The following AKAP19 variants were observed in gnomAD, a reference collection of about 807,000 sequenced individuals.
The protein encoded by AKAP19 is small A-kinase anchoring protein.
the AKAP19 span, among the ~76,000 whole-genome samples, chr2:190,099,909 CAAGA>C: frequency 2.6e-5 from 4 of 152,092 alleles, no homozygotes; most frequent in Non-Finnish European, 4.4e-5. Flanking sequence ...AGTTTGAAAT[CAAGA>C]AAGAAAGTCC....
At chr2:190,171,781 A>G in the AKAP19 span, among the ~76,000 whole-genome samples, 2 of 152,150 alleles carry the variant, frequency 1.3e-5, no homozygotes, top group South Asian at 2.1e-4. Context: ...TTATGGGGGG[A>G]AAATAACTTG....
At chr2:190,129,862 C>T in the AKAP19 span, among the ~76,000 whole-genome samples, 1,521 of 152,262 alleles carry the variant, frequency 1.0e-2, 17 homozygotes, top group Non-Finnish European at 0.015. Context: ...GACAGGCCTT[C>T]TCTGTCCTTC....
the AKAP19 span, among the ~76,000 whole-genome samples, chr2:189,890,539 A>G: frequency 0.027 from 4,091 of 152,140 alleles, 70 homozygotes; most frequent in South Asian, 0.071. Flanking sequence ...TCCCACTATT[A>G]TTGTGTGGGA....
chr2:190,187,384 T>C, the AKAP19 span, among the ~76,000 whole-genome samples: 1 of 151,576 alleles, frequency 6.6e-6, no homozygotes, highest in African/African-American at 2.4e-5. Flanking sequence ...AGCCTATTCG[T>C]TTACACAGCA....
the AKAP19 span, among the ~76,000 whole-genome samples, chr2:190,192,156 T>TG: frequency 6.6e-6 from 1 of 152,074 alleles, no homozygotes; most frequent in Non-Finnish European, 1.5e-5. Context: ...TAGATTTTGG[T>TG]GGGGGGAGAG....
At chr2:189,912,097 A>G in the AKAP19 span, among the ~76,000 whole-genome samples, 2 of 14,452 alleles carry the variant, frequency 1.4e-4, no homozygotes, top group Non-Finnish European at 3.7e-4. Context: ...AAGTTGGTAT[A>G]CCACACAGCA....
chr2:190,018,361 A>G, the AKAP19 span, among the ~76,000 whole-genome samples: 1 of 151,906 alleles, frequency 6.6e-6, no homozygotes, highest in Admixed American at 6.6e-5. Flanking sequence ...GGTCTTCTGC[A>G]TAGATGATTT....
At chr2:190,158,741 G>T in the AKAP19 span, among the ~76,000 whole-genome samples, 12 of 152,332 alleles carry the variant, frequency 7.9e-5, no homozygotes, top group East Asian at 2.1e-3. Context: ...TCCCTGAATG[G>T]CAGAGCATGC....
chr2:190,140,129 CTCACATCCAGG>C, the AKAP19 span, among the ~76,000 whole-genome samples: 1 of 152,192 alleles, frequency 6.6e-6, no homozygotes, highest in Non-Finnish European at 1.5e-5. Flanking sequence ...GACTCCAGGT[CTCACATCCAGG>C]TCACACTGAT....
At chr2:190,074,727 T>A in the AKAP19 span, among the ~76,000 whole-genome samples, 2 of 151,956 alleles carry the variant, frequency 1.3e-5, no homozygotes, top group African/African-American at 4.8e-5. Context: ...GATAAAAGTG[T>A]CATTTTAACT....
the AKAP19 span, among the ~76,000 whole-genome samples, chr2:190,016,349 A>G: frequency 3.9e-5 from 6 of 152,190 alleles, no homozygotes; most frequent in East Asian, 1.2e-3. Flanking sequence ...GCAGCAGGTG[A>G]CAGAGAGCCA....
At chr2:189,926,445 C>A in the AKAP19 span, among the ~76,000 whole-genome samples, 2 of 151,880 alleles carry the variant, frequency 1.3e-5, no homozygotes, top group East Asian at 3.9e-4. Context: ...CACTACCATG[C>A]CCCGCTAATT....
chr2:189,978,145 G>C, the AKAP19 span, among the ~76,000 whole-genome samples: 1 of 152,200 alleles, frequency 6.6e-6, no homozygotes, highest in African/African-American at 2.4e-5. Context: ...TTACACGGGT[G>C]TATGGTGTAA....
the AKAP19 span, among the ~76,000 whole-genome samples, chr2:189,910,296 T>C: frequency 6.6e-6 from 1 of 152,100 alleles, no homozygotes; most frequent in African/African-American, 2.4e-5. Context: ...ACTAGTTTGA[T>C]AGGCATTAAG....
the AKAP19 span, among the ~76,000 whole-genome samples, chr2:190,170,425 G>A: frequency 6.6e-6 from 1 of 152,154 alleles, no homozygotes; most frequent in Non-Finnish European, 1.5e-5. Context: ...TTTGGAACTG[G>A]GAAGAGACAT....
chr2:190,000,558 A>G, the AKAP19 span, among the ~76,000 whole-genome samples: 7 of 152,360 alleles, frequency 4.6e-5, no homozygotes, highest in African/African-American at 1.7e-4. Context: ...GAGGGGTTTC[A>G]CTTCTATAAT....
chr2:190,088,386 C>A, the AKAP19 span, among the ~76,000 whole-genome samples: 1 of 152,144 alleles, frequency 6.6e-6, no homozygotes, highest in Non-Finnish European at 1.5e-5. Context: ...CAGAAAATCC[C>A]AGTATAAGGT....
At chr2:189,963,199 C>CTCTTTTTTTTTT in the AKAP19 span, among the ~76,000 whole-genome samples, 1 of 136,842 alleles carries the variant, frequency 7.3e-6, no homozygotes, top group African/African-American at 2.9e-5. Flanking sequence ...CTTCACTTCT[C>CTCTTTTTTTTTT]TTTTTTTTTT....
the AKAP19 span, among the ~76,000 whole-genome samples, chr2:189,985,058 C>G: frequency 2.6e-5 from 4 of 152,180 alleles, no homozygotes; most frequent in Non-Finnish European, 5.9e-5. Context: ...GAGGACCTCC[C>G]CAACAGTTTG....
Sources: allele counts gnomAD v4.1 joint callset (sites outside exome capture counted in the v4.1 genomes callset), GRCh38; gene constraint gnomAD v4.1.1; transcripts MANE v1.5; gene names NCBI Gene and HGNC (gene_info 2026-07-23, HGNC 2026-07-21).